CNTN5: variants seen among roughly 807,000 people sequenced by gnomAD.
CNTN5 encodes the protein contactin 5.
Under a neutral mutation model 129.1 loss-of-function variants are expected in CNTN5, and 77 were observed. The observed-to-expected ratio is 0.60, with a 90% CI of 0.50 to 0.72. CNTN5 has a LOEUF of 0.72. Among genes scored for constraint, CNTN5 ranks in the 30% least tolerant of loss-of-function variants. The pLI is 0.00. For synonymous variants in CNTN5, 509 were observed against 465.6 expected (o/e 1.09, Z -1.20); for missense variants, 1,478 against 1,328.8 (o/e 1.11, Z -1.75).
At chr11:100,310,883 G>T (rs1272366510) in intron 21 of CNTN5, among the ~76,000 whole-genome samples, 1 of 151,922 alleles carries the variant, frequency 6.6e-6, no homozygotes, top group Non-Finnish European at 1.5e-5. Flanking sequence ...TGAGAGTAGG[G>T]AGCACAGGGA....
At chr11:99,658,705 C>G (rs1415772758) in intron 3 of CNTN5, among the ~76,000 whole-genome samples, 2 of 98,332 alleles carry the variant, frequency 2.0e-5, no homozygotes, top group Non-Finnish European at 4.7e-5. Flanking sequence ...AATTCTGTCT[C>G]TACTAAAAAA....
intron 9 of CNTN5, among the ~76,000 whole-genome samples, chr11:100,056,339 A>G (rs1458017079): frequency 6.6e-6 from 1 of 151,720 alleles, no homozygotes; most frequent in African/African-American, 2.4e-5. Context: ...CAAAATACGC[A>G]GATTACCAAA....
At chr11:99,220,433 T>A (rs576749596) in intron 1 of CNTN5, among the ~76,000 whole-genome samples, 64 of 152,036 alleles carry the variant, frequency 4.2e-4, no homozygotes, top group African/African-American at 1.4e-3. Flanking sequence ...TGAATTACGA[T>A]GTAGGAAAAC....
intron 1 of CNTN5, among the ~76,000 whole-genome samples, chr11:99,107,588 G>C (rs553236672): frequency 6.6e-6 from 1 of 151,884 alleles, no homozygotes; most frequent in Non-Finnish European, 1.5e-5. Context: ...TATTTGCAAT[G>C]AGCTTAAAGT....
At position 99,113,570 on chromosome 11, in the gene CNTN5, T is replaced by G. The variant is rs183961600; in HGVS notation, c.-210+92300T>G. On this transcript the variant is annotated intron_variant, in intron 1 of 24. Coordinates refer to ENST00000524871, the MANE Select transcript of CNTN5 (RefSeq NM_014361.4). Reference sequence around the variant, plus strand: ...GCACCTCAGAATTGCCTATTTGAAATCTGTCAGCTGAAGCATTTCTCCATT... The same window carrying G: ...GCACCTCAGAATTGCCTATTTGAAAGCTGTCAGCTGAAGCATTTCTCCATT... Among the ~76,000 whole-genome samples the G allele has an allele frequency of 1.1e-3, 166 of 152,272 alleles. 1 individual carries two copies. The highest frequency in any genetic ancestry group is 3.8e-3 in the African/African-American group (158 of 41,578).
In CNTN5 at chr11:99,899,673, G is replaced by T. The variant is rs572564462; in HGVS notation, c.578-16381G>T. 9.2e-5 allele frequency among the ~76,000 whole-genome samples: 14 copies of T among 152,050 alleles called. No homozygotes were observed. The South Asian group carries it at 2.9e-3, about 31-fold the overall frequency. On this transcript the variant is annotated intron_variant, in intron 6 of 24. Coordinates refer to ENST00000524871, the MANE Select transcript of CNTN5 (RefSeq NM_014361.4). ...TGCATTGATGTTAATCAGAAATATTGACCTATAATTCCTTTTTTATTGTCA... is the reference window on the plus strand; with the variant it reads ...TGCATTGATGTTAATCAGAAATATTTACCTATAATTCCTTTTTTATTGTCA...
chr11:99,572,311 T>C (rs1190611947), intron 3 of CNTN5, among the ~76,000 whole-genome samples: 1 of 152,220 alleles, frequency 6.6e-6, no homozygotes, highest in East Asian at 1.9e-4. Flanking sequence ...AAAAAAATCG[T>C]ATTATGTTTT....
At chr11:99,997,442 A>G (rs1011764951) in intron 8 of CNTN5, among the ~76,000 whole-genome samples, 1 of 152,200 alleles carries the variant, frequency 6.6e-6, no homozygotes, top group African/African-American at 2.4e-5. Flanking sequence ...ACACTCTCCC[A>G]AGACTAAACC....
intron 1 of CNTN5, among the ~76,000 whole-genome samples, chr11:99,158,743 GT>G (rs1367283906): frequency 2.0e-4 from 31 of 151,974 alleles, no homozygotes; most frequent in Non-Finnish European, 4.6e-4. Context: ...TATTAGAAGT[GT>G]TATCAAATAC....
intron 24 of CNTN5, among the ~76,000 whole-genome samples, chr11:100,354,568 ATGT>A (rs571336053): frequency 3.4e-4 from 52 of 151,784 alleles, no homozygotes; most frequent in African/African-American, 1.1e-3. Context: ...AAATAAAATA[ATGT>A]TATTAGATTT....
chr11:99,044,290 T>C (rs1254729939), intron 1 of CNTN5, among the ~76,000 whole-genome samples: 1 of 152,180 alleles, frequency 6.6e-6, no homozygotes, highest in Non-Finnish European at 1.5e-5. Flanking sequence ...TTGGTAACTA[T>C]CCCTTTATAA....
chr11:99,700,132 C>T (rs1954455067), intron 3 of CNTN5, among the ~76,000 whole-genome samples: 1 of 151,384 alleles, frequency 6.6e-6, no homozygotes, highest in South Asian at 2.1e-4. Flanking sequence ...GCCAAATTTA[C>T]CCAGAGAAAA....
chr11:99,037,436 C>T (rs1863791803), intron 1 of CNTN5, among the ~76,000 whole-genome samples: 1 of 152,064 alleles, frequency 6.6e-6, no homozygotes, highest in Non-Finnish European at 1.5e-5. Flanking sequence ...TCCTTTGCAG[C>T]TACAACAATG....
intron 3 of CNTN5, among the ~76,000 whole-genome samples, chr11:99,716,721 A>G (rs552855197): frequency 6.6e-6 from 1 of 152,202 alleles, no homozygotes; most frequent in East Asian, 1.9e-4. Context: ...AGCTCTCAAT[A>G]TTTTTAAGTA....
At chr11:99,217,591 A>G (rs1377353407) in intron 1 of CNTN5, among the ~76,000 whole-genome samples, 2 of 152,146 alleles carry the variant, frequency 1.3e-5, no homozygotes, top group Non-Finnish European at 2.9e-5. Flanking sequence ...TTGAGTAGCA[A>G]GGTCTGAGTT....
chr11:99,486,668 A>G (rs1350115690), intron 2 of CNTN5, among the ~76,000 whole-genome samples: 1 of 152,180 alleles, frequency 6.6e-6, no homozygotes, highest in Non-Finnish European at 1.5e-5. Flanking sequence ...TTAGATTTTC[A>G]AGAGTTTTAG....
Position 99,956,786 on chromosome 11 carries a change from C to G in CNTN5, c.674-20C>G. The G allele has an allele frequency of 6.2e-7, 1 of 1,605,114 alleles. No homozygotes were observed. The highest frequency in any genetic ancestry group is 1.1e-5 in the South Asian group (1 of 90,394). ...GAAAAAATCAAAGTCTTTCGTTGAC[C>G]AAATTTTGTGTATTTTCAGAGATCA... is the stretch of plus-strand genomic sequence containing the variant. On this transcript the variant is annotated intron_variant, in intron 7 of 24. Transcript: ENST00000524871.
At chr11:99,972,413 G>C (rs7124049) in intron 8 of CNTN5, among the ~76,000 whole-genome samples, 151,063 of 152,310 alleles carry the variant, frequency 0.99, 74,927 homozygotes, top group Middle Eastern at 1. Flanking sequence ...GAAGCACTTT[G>C]TTTGGAAATA....
chr11:99,702,096 T>A (rs1467451303), intron 3 of CNTN5, among the ~76,000 whole-genome samples: 2 of 151,064 alleles, frequency 1.3e-5, no homozygotes, highest in South Asian at 2.1e-4. Context: ...TAACTCTCCT[T>A]ATTAGACAAA....
Sources: gnomAD v4.1 joint callset for allele counts (sites outside exome capture counted in the v4.1 genomes callset) on GRCh38, gnomAD v4.1.1 for gene constraint, MANE v1.5 for transcripts, NCBI Gene and HGNC (gene_info 2026-07-23, HGNC 2026-07-21) for gene names.